Variants in GPC5 observed in about 807,000 individuals in gnomAD.
GPC5 encodes glypican-5.
Under a neutral mutation model 53.9 loss-of-function variants are expected in GPC5, and 47 were observed. The ratio of observed to expected loss-of-function variants is 0.87; its 90% CI spans 0.69 to 1.11. The LOEUF is 1.11. Ranked by LOEUF, GPC5 falls within the 50% of genes most tolerant of loss-of-function variation. The pLI is 0.00. For missense variants in GPC5, 748 were observed against 713.1 expected (o/e 1.05, Z -0.56); for synonymous variants, 286 against 263.3 (o/e 1.09, Z -0.84).
intron 1 of GPC5, among the ~76,000 whole-genome samples, chr13:91,406,675 C>T (rs146174940): frequency 6.6e-6 from 1 of 152,096 alleles, no homozygotes; most frequent in African/African-American, 2.4e-5. Flanking sequence ...GTGGTATCAC[C>T]TAGACGTGCA....
At chr13:92,655,436 G>A (rs1208743158) in intron 7 of GPC5, among the ~76,000 whole-genome samples, 1 of 152,092 alleles carries the variant, frequency 6.6e-6, no homozygotes, top group East Asian at 1.9e-4. Context: ...CTCGGTTCAA[G>A]CGATTCTCTT....
intron 5 of GPC5, among the ~76,000 whole-genome samples, chr13:91,890,486 G>A (rs909811134): frequency 4.6e-5 from 7 of 152,260 alleles, no homozygotes; most frequent in African/African-American, 1.4e-4. Context: ...ATTGGGGGCA[G>A]TAAATGGTTA....
chr13:92,337,193 C>CA (rs2043330211), intron 7 of GPC5, among the ~76,000 whole-genome samples: 1 of 113,232 alleles, frequency 8.8e-6, no homozygotes, highest in East Asian at 2.2e-4. Context: ...GTTAGCAGCA[C>CA]CCCCCACCCA....
intron 2 of GPC5, among the ~76,000 whole-genome samples, chr13:91,493,836 T>C (rs1884075942): frequency 6.6e-6 from 1 of 152,068 alleles, no homozygotes; most frequent in Non-Finnish European, 1.5e-5. Context: ...GATTCTACCC[T>C]CATGTTTATC....
chr13:91,657,875 A>T (rs879365452), intron 2 of GPC5, among the ~76,000 whole-genome samples: 6 of 152,264 alleles, frequency 3.9e-5, no homozygotes, highest in African/African-American at 7.2e-5. Flanking sequence ...TTAAAAATTT[A>T]AAAAAATACA....
intron 7 of GPC5, among the ~76,000 whole-genome samples, chr13:92,172,101 A>T (rs576777721): frequency 2.0e-5 from 3 of 152,364 alleles, no homozygotes; most frequent in Non-Finnish European, 2.9e-5. Flanking sequence ...GAAGCATAAT[A>T]GTATTTAAAA....
At chr13:92,042,816 T>A (rs761021562) in intron 6 of GPC5, among the ~76,000 whole-genome samples, 2 of 152,010 alleles carry the variant, frequency 1.3e-5, no homozygotes, top group Non-Finnish European at 2.9e-5. Context: ...ATTATGAATA[T>A]GTTCAAAACA....
At position 92,291,117 on chromosome 13, in the gene GPC5, T is replaced by C. The variant is rs1328559038; in HGVS notation, c.1561+146128T>C. Among the ~76,000 whole-genome samples, 3 of 152,282 alleles carry C rather than the reference T, an allele frequency of 2.0e-5. No individual in the cohort carries two copies. In the East Asian group the frequency reaches 5.8e-4, roughly 30 times the overall value. On this transcript the variant is annotated intron_variant, in intron 7 of 7. Coordinates refer to ENST00000377067, the MANE Select transcript of GPC5 (RefSeq NM_004466.6). ...CTTGGGACCTGCAGCCCGCCATGCC[T>C]GAGCCTCCCCACTGCTCCGTGGGCT...
chr13:91,591,112 C>T (rs1341948966), intron 2 of GPC5, among the ~76,000 whole-genome samples: 2 of 152,134 alleles, frequency 1.3e-5, no homozygotes, highest in African/African-American at 4.8e-5. Flanking sequence ...TGATAGGCAC[C>T]TCATAAGTGT....
intron 7 of GPC5, among the ~76,000 whole-genome samples, chr13:92,227,920 G>C: frequency 6.6e-6 from 1 of 151,930 alleles, no homozygotes; most frequent in East Asian, 1.9e-4. Flanking sequence ...CCATAAATTT[G>C]ATTAACACAT....
chr13:92,675,355 A>C (rs1204311161), intron 7 of GPC5, among the ~76,000 whole-genome samples: 1 of 152,174 alleles, frequency 6.6e-6, no homozygotes, highest in East Asian at 1.9e-4. Context: ...TTCTTTCACT[A>C]GCTAGTATAC....
At chr13:92,052,468 G>T (rs1594744808) in intron 6 of GPC5, among the ~76,000 whole-genome samples, 1 of 152,312 alleles carries the variant, frequency 6.6e-6, no homozygotes, top group Non-Finnish European at 1.5e-5. Context: ...AGGGTGGCCA[G>T]CTTTTATTTC....
intron 2 of GPC5, among the ~76,000 whole-genome samples, chr13:91,604,352 T>A (rs2033285050): frequency 6.6e-6 from 1 of 150,858 alleles, no homozygotes; most frequent in African/African-American, 2.5e-5. Context: ...CAGTCTATCA[T>A]TGTTGGACAT....
At position 92,730,028 on chromosome 13, in the gene GPC5, T is replaced by A. The variant is rs189804078; in HGVS notation, c.1562-136254T>A. Among the ~76,000 whole-genome samples the A allele has an allele frequency of 2.3e-3, 351 of 151,530 alleles. 3 individuals carry two copies. The highest frequency in any genetic ancestry group is 7.8e-3 in the African/African-American group (322 of 41,468). Reference sequence around the variant, plus strand: ...ACAAGGAAATAGAAATATAAACGAATTATAGCCACTTTAGTGTTCTTTCTG... The same window carrying A: ...ACAAGGAAATAGAAATATAAACGAAATATAGCCACTTTAGTGTTCTTTCTG... On this transcript the variant is annotated intron_variant, in intron 7 of 7. Coordinates refer to ENST00000377067, the MANE Select transcript of GPC5 (RefSeq NM_004466.6).
At chr13:91,785,971 T>C (rs557609477) in intron 5 of GPC5, among the ~76,000 whole-genome samples, 1 of 152,270 alleles carries the variant, frequency 6.6e-6, no homozygotes, top group South Asian at 2.1e-4. Flanking sequence ...CTCAGGTCTG[T>C]CACTCTCTAC....
Position 91,573,308 on chromosome 13 carries a change from C to T in GPC5, c.326-119879C>T, listed in dbSNP as rs1235915855. Among the ~76,000 whole-genome samples the T allele has an allele frequency of 2.6e-5, 4 of 152,168 alleles. No individual in the cohort carries two copies. In the East Asian group the frequency reaches 7.7e-4, roughly 29 times the overall value. ...CATTTGCCTGGGTCACATTTAATCT[C>T]CTTACGACAGCTACTTTTAAGTGTT... On this transcript the variant is annotated intron_variant, in intron 2 of 7. Coordinates refer to ENST00000377067, the MANE Select transcript of GPC5 (RefSeq NM_004466.6).
At chr13:92,652,876 A>C (rs961292738) in intron 7 of GPC5, among the ~76,000 whole-genome samples, 1 of 152,002 alleles carries the variant, frequency 6.6e-6, no homozygotes, top group African/African-American at 2.4e-5. Context: ...CAACCCTTCA[A>C]ATCTCTGAGT....
chr13:92,809,103 T>A (rs1280521919), intron 7 of GPC5, among the ~76,000 whole-genome samples: 1 of 152,154 alleles, frequency 6.6e-6, no homozygotes. Flanking sequence ...TGCTTCATTT[T>A]GCCTCAGTTC....
intron 7 of GPC5, among the ~76,000 whole-genome samples, chr13:92,834,288 CTT>C (rs1566437922): frequency 1.3e-5 from 2 of 152,020 alleles, no homozygotes; most frequent in Admixed American, 1.3e-4. Context: ...TAAGAAAAAA[CTT>C]TGCATATTTT....
Sources: allele counts gnomAD v4.1 joint callset (sites outside exome capture counted in the v4.1 genomes callset), GRCh38; gene constraint gnomAD v4.1.1; transcripts MANE v1.5; gene names NCBI Gene and HGNC (gene_info 2026-07-23, HGNC 2026-07-21).